VPS13B: variants seen among roughly 807,000 people sequenced by gnomAD.
VPS13B encodes the protein vacuolar protein sorting 13 homolog B, also known as intermembrane lipid transfer protein VPS13B.
VPS13B carries 285 observed loss-of-function variants against 426.4 expected under a neutral mutation model. The ratio of observed to expected loss-of-function variants is 0.67; its 90% CI spans 0.61 to 0.74. The LOEUF is 0.74. Ranked by LOEUF, VPS13B falls within the 30% of genes least tolerant of loss-of-function variation. VPS13B has a pLI of 0.00. For synonymous variants in VPS13B, 1,676 were observed against 1,676.4 expected (o/e 1.00, Z 0.01); for missense variants, 4,537 against 4,782.6 (o/e 0.95, Z 1.51).
chr8:99,801,940 A>G (rs1813145305), intron 43 of VPS13B, among the ~76,000 whole-genome samples: 1 of 152,182 alleles, frequency 6.6e-6, no homozygotes. Context: ...GCTTGAGTTC[A>G]GAAGTTCAAG....
intron 35 of VPS13B, among the ~76,000 whole-genome samples, chr8:99,662,117 C>T (rs1830251762): frequency 6.6e-6 from 1 of 152,076 alleles, no homozygotes; most frequent in Non-Finnish European, 1.5e-5. Context: ...AGTAAATTGC[C>T]TAAGGTCATA....
At chr8:99,616,891 C>A (rs1588554356) in intron 33 of VPS13B, among the ~76,000 whole-genome samples, 2 of 152,092 alleles carry the variant, frequency 1.3e-5, no homozygotes, top group African/African-American at 4.8e-5. Context: ...CCCCACATTA[C>A]AAAAATGTAT....
intron 33 of VPS13B, among the ~76,000 whole-genome samples, chr8:99,589,746 G>A (rs904515837): frequency 2.6e-5 from 4 of 151,670 alleles, no homozygotes; most frequent in Non-Finnish European, 5.9e-5. Flanking sequence ...GGGTCAAATG[G>A]TATTGAGGAT....
intron 15 of VPS13B, among the ~76,000 whole-genome samples, chr8:99,158,502 C>A (rs1811481118): frequency 6.6e-6 from 1 of 152,192 alleles, no homozygotes; most frequent in African/African-American, 2.4e-5. Flanking sequence ...TGTTGCACTC[C>A]AGCCTGGGCG....
intron 39 of VPS13B, among the ~76,000 whole-genome samples, chr8:99,742,909 C>G (rs534427140): frequency 4.6e-5 from 7 of 152,168 alleles, no homozygotes; most frequent in Non-Finnish European, 8.8e-5. Flanking sequence ...TGTTTGAAAA[C>G]TGGCACAAGA....
intron 28 of VPS13B, among the ~76,000 whole-genome samples, chr8:99,509,418 TG>T (rs1343054319): frequency 6.6e-6 from 1 of 152,176 alleles, no homozygotes; most frequent in East Asian, 1.9e-4. Context: ...GTTTTTTTAA[TG>T]GTCAATTAAA....
chr8:99,742,125 A>G (rs1809764611), intron 39 of VPS13B, among the ~76,000 whole-genome samples: 4 of 152,246 alleles, frequency 2.6e-5, no homozygotes, highest in Admixed American at 6.5e-5. Flanking sequence ...AGACTCAATG[A>G]AAAATGATGA....
intron 2 of VPS13B, among the ~76,000 whole-genome samples, chr8:99,027,623 G>C (rs990499196): frequency 2.0e-5 from 3 of 151,834 alleles, no homozygotes; most frequent in Non-Finnish European, 4.4e-5. Context: ...TACTAGATAT[G>C]GTAATCTTGG....
chr8:99,614,850 G>A (rs1356193924), intron 33 of VPS13B, among the ~76,000 whole-genome samples: 1 of 152,030 alleles, frequency 6.6e-6, no homozygotes, highest in East Asian at 1.9e-4. Context: ...AGATGCGGTG[G>A]CTCACGCCTG....
intron 16 of VPS13B, 84 bp downstream of exon 16, chr8:99,170,247 C>A (rs1358160252): frequency 1.3e-6 from 2 of 1,499,174 alleles, no homozygotes; most frequent in Admixed American, 3.7e-5. Flanking sequence ...CTGTCTTATG[C>A]CCATGCTAGT....
chr8:99,321,431 C>T (rs1177796642), intron 19 of VPS13B, among the ~76,000 whole-genome samples: 1 of 152,036 alleles, frequency 6.6e-6, no homozygotes. Flanking sequence ...TGGTCTCGAC[C>T]TCCTGACCTT....
intron 30 of VPS13B, among the ~76,000 whole-genome samples, chr8:99,542,911 C>T (rs1588478901): frequency 6.6e-6 from 1 of 152,172 alleles, no homozygotes; most frequent in Non-Finnish European, 1.5e-5. Context: ...TATTCAGTGC[C>T]ATCCCAATCA....
At chr8:99,086,644 A>G (rs1335828177) in intron 3 of VPS13B, among the ~76,000 whole-genome samples, 1 of 151,828 alleles carries the variant, frequency 6.6e-6, no homozygotes, top group African/African-American at 2.4e-5. Flanking sequence ...TTTGGTGTGG[A>G]TGTTCTTTCT....
chr8:99,813,436 A>G (rs972509837), intron 44 of VPS13B, among the ~76,000 whole-genome samples: 2 of 152,364 alleles, frequency 1.3e-5, no homozygotes, highest in African/African-American at 2.4e-5. Flanking sequence ...GCTTGGGCAC[A>G]TCAAGAATAA....
intron 17 of VPS13B, among the ~76,000 whole-genome samples, chr8:99,200,002 C>T (rs893892574): frequency 6.6e-6 from 1 of 152,078 alleles, no homozygotes; most frequent in Non-Finnish European, 1.5e-5. Flanking sequence ...AGAACGTTTC[C>T]AGCATCCCTG....
intron 51 of VPS13B, among the ~76,000 whole-genome samples, chr8:99,830,460 G>A (rs965007587): frequency 1.3e-5 from 2 of 152,154 alleles, no homozygotes; most frequent in Non-Finnish European, 2.9e-5. Context: ...CCACCAAGCT[G>A]GAGCATCCCA....
intron 3 of VPS13B, among the ~76,000 whole-genome samples, chr8:99,048,070 G>A (rs1843324418): frequency 1.3e-5 from 2 of 152,256 alleles, no homozygotes; most frequent in South Asian, 4.1e-4. Context: ...TCAGTTCGAA[G>A]AAATTTTTAA....
At chr8:99,333,819 C>G (rs1810673121) in intron 19 of VPS13B, among the ~76,000 whole-genome samples, 1 of 151,924 alleles carries the variant, frequency 6.6e-6, no homozygotes, top group Non-Finnish European at 1.5e-5. Flanking sequence ...GAATAATTCT[C>G]TGGATGTATA....
chr8:99,739,712 G>A (rs1256337756), intron 39 of VPS13B, among the ~76,000 whole-genome samples: 2 of 152,156 alleles, frequency 1.3e-5, no homozygotes, highest in Non-Finnish European at 2.9e-5. Flanking sequence ...AGGCAAACAG[G>A]GTCTGGAGTG....
Sources: allele counts gnomAD v4.1 joint callset (sites outside exome capture counted in the v4.1 genomes callset), GRCh38; gene constraint gnomAD v4.1.1; transcripts MANE v1.5; gene names NCBI Gene and HGNC (gene_info 2026-07-23, HGNC 2026-07-21).